MMP28: variants seen among roughly 807,000 people sequenced by gnomAD.
MMP28 encodes the protein matrix metalloproteinase-28.
Under a neutral mutation model 60.5 loss-of-function variants are expected in MMP28, and 55 were observed. The observed-to-expected ratio is 0.91, with a 90% CI of 0.73 to 1.14. The LOEUF (loss-of-function observed/expected upper bound fraction) is 1.14. Among genes scored for constraint, MMP28 ranks in the 50% most tolerant of loss-of-function variants. MMP28 has a pLI of 0.00. For missense variants in MMP28, 686 were observed against 738.3 expected (o/e 0.93, Z 0.82); for synonymous variants, 318 against 312.5 (o/e 1.02, Z -0.18).
At chr17:35,776,062 G>C (rs909787658) in intron 3 of MMP28, among the ~76,000 whole-genome samples, 3 of 151,886 alleles carry the variant, frequency 2.0e-5, no homozygotes, top group African/African-American at 7.3e-5. Context: ...TTTTAGTAGA[G>C]ATGGGGTTTC....
chr17:35,773,159 A>G (rs747934476), intron 4 of MMP28, 21 bp downstream of exon 4: 2 of 1,608,634 alleles, frequency 1.2e-6, no homozygotes. Flanking sequence ...GCTGTGCGGG[A>G]GGGAGGCTTT....
chr17:35,779,239 C>A lies in MMP28; in HGVS notation c.191+5G>T. ...CCCCAAGTCCTCCACATCCCTCCAC[C>A]CTACCTGATGGCATCGCTGAATCGA... On this transcript the variant is annotated splice_donor_5th_base_variant and intron_variant, in intron 2 of 7. Coordinates refer to ENST00000605424, the MANE Select transcript of MMP28 (RefSeq NM_024302.5). The A allele has an allele frequency of 3.7e-6, 6 of 1,610,030 alleles. No homozygotes were observed. The highest frequency in any genetic ancestry group is 5.1e-6 in the Non-Finnish European group (6 of 1,178,290).
chr17:35,787,880 T>A (rs368280105), intron 1 of MMP28, among the ~76,000 whole-genome samples: 44 of 147,448 alleles, frequency 3.0e-4, no homozygotes, highest in Middle Eastern at 3.6e-3. Context: ...TCTCTCTCTC[T>A]CACTCTTTTT....
chr17:35,787,098 G>C (rs997809747), intron 1 of MMP28, among the ~76,000 whole-genome samples: 2 of 152,178 alleles, frequency 1.3e-5, no homozygotes, highest in Non-Finnish European at 2.9e-5. Context: ...TCTCAATTAA[G>C]AAAAAGGTCA....
rs143381593 is a variant in MMP28, at chr17:35,779,117, G to C, written c.192-42C>G. The C allele has an allele frequency of 9.9e-4, 1,588 of 1,598,976 alleles. 17 individuals carry two copies. The African/African-American group carries it at 0.018, about 19-fold the overall frequency. Reference sequence around the variant, plus strand: ...ACCGCAAGGGGAGGGTGAGTGGTAAGGGTGAGGGCAGGGAAGTCTGCCTCC... The same window carrying C: ...ACCGCAAGGGGAGGGTGAGTGGTAACGGTGAGGGCAGGGAAGTCTGCCTCC... On this transcript the variant is annotated intron_variant, in intron 2 of 7. Transcript: ENST00000605424.
chr17:35,782,298 G>T (rs1450548053), intron 1 of MMP28, among the ~76,000 whole-genome samples: 1 of 151,902 alleles, frequency 6.6e-6, no homozygotes, highest in Non-Finnish European at 1.5e-5. Flanking sequence ...CTCATGATCC[G>T]CCCGCCTCAG....
Position 35,795,453 on chromosome 17 carries a change from G to T in MMP28, c.-76C>A. 8.9e-7 allele frequency: 1 copy of T among 1,125,114 alleles called. No homozygotes were observed. Among genetic ancestry groups the T allele is most frequent in the Non-Finnish European group, 1.2e-6 (1 of 853,910 alleles). 69.7% of individuals were successfully genotyped at this position (1,125,114 alleles called of 1,614,324 possible). A position where few individuals can be genotyped will look rare whatever the true frequency, so the allele number is the denominator to read the frequency against. On this transcript the variant is annotated 5_prime_UTR_variant, in exon 1 of 8. Coordinates refer to ENST00000605424, the MANE Select transcript of MMP28 (RefSeq NM_024302.5). ...CCAGCCGGCAGTCAGCCGCGCCCGG[G>T]ACCCCGGGGATGGGACTGCTCTGCG...
intron 3 of MMP28, among the ~76,000 whole-genome samples, chr17:35,777,671 AC>A: frequency 6.6e-6 from 1 of 152,174 alleles, no homozygotes; most frequent in Admixed American, 6.5e-5. Context: ...CTGGTTAAAA[AC>A]CCCCATCTTG....
chr17:35,764,078 A>G (rs1555602103), downstream of MMP28: 1 of 1,550,084 alleles, frequency 6.5e-7, no homozygotes, highest in Admixed American at 2.0e-5. Flanking sequence ...AGAGGAAGGG[A>G]AGGAGGGGTC....
chr17:35,764,655 T>A, downstream of MMP28: 1 of 1,534,122 alleles, frequency 6.5e-7, no homozygotes, highest in Non-Finnish European at 8.7e-7. Flanking sequence ...CTCCATCATT[T>A]CCTGGCCCCA....
chr17:35,760,699 C>A (rs1179996940), intron 2 of MMP28, among the ~76,000 whole-genome samples: 3 of 152,172 alleles, frequency 2.0e-5, no homozygotes, highest in African/African-American at 7.2e-5. Flanking sequence ...CCAAAGCCAT[C>A]CTCTCTTCCC....
chr17:35,789,059 G>A (rs1442715889), intron 1 of MMP28, among the ~76,000 whole-genome samples: 1 of 152,146 alleles, frequency 6.6e-6, no homozygotes, highest in Non-Finnish European at 1.5e-5. Context: ...ACACAGCTTT[G>A]TAAGCACTTA....
chr17:35,765,185 CG>C (rs1163244805), downstream of MMP28: 1 of 152,266 alleles, frequency 6.6e-6, no homozygotes, highest in East Asian at 1.9e-4. Context: ...TACCCCAGAA[CG>C]GTACAAACAT....
At chr17:35,763,863 C>G, downstream of MMP28, 1 of 662,412 alleles carries the variant, frequency 1.5e-6, no homozygotes, top group Non-Finnish European at 2.1e-6. Flanking sequence ...CGCCACTGCA[C>G]TCTAGCCTGA....
chr17:35,785,567 C>T (rs967656607), intron 1 of MMP28, among the ~76,000 whole-genome samples: 1 of 152,150 alleles, frequency 6.6e-6, no homozygotes, highest in Admixed American at 6.5e-5. Flanking sequence ...CCTGCCTCAA[C>T]CTCCCGAGTA....
rs1009727691 is a variant in MMP28, at chr17:35,779,287, C to G, written c.148G>C (p.Val50Leu). 2 of 1,613,382 alleles carry G rather than the reference C, an allele frequency of 1.2e-6. No homozygotes were observed. Among genetic ancestry groups the G allele is most frequent in the East Asian group, 4.5e-5 (2 of 44,858 alleles). ...CGAGTGGAGGTGGGAGCTTTGGGGA[C>G]CTGTTCATTGAGGTATCCGTACTTC... ...LEKYGYLNEQ[V>L]PKAPTSTRFS... Residue 50 changes from valine to leucine, a missense_variant, in exon 2 of 8, where the codon GTC (valine) becomes CTC (leucine). Transcript: ENST00000605424.
At chr17:35,759,648 C>T (rs1555601123) in intron 2 of MMP28, among the ~76,000 whole-genome samples, 1 of 152,102 alleles carries the variant, frequency 6.6e-6, no homozygotes, top group African/African-American at 2.4e-5. Context: ...TTGCAGTGAG[C>T]CGAGATTGCG....
At chr17:35,756,290 T>G in exon 3 of MMP28, 1 of 491,006 alleles carries the variant, frequency 2.0e-6, no homozygotes, top group Non-Finnish European at 2.6e-6. Context: ...TAGAGACAGA[T>G]GATCCAAAGT....
At chr17:35,781,357 T>C (rs1555609329) in intron 1 of MMP28, among the ~76,000 whole-genome samples, 1 of 152,130 alleles carries the variant, frequency 6.6e-6, no homozygotes, top group East Asian at 1.9e-4. Flanking sequence ...CCTTGGAGAT[T>C]TCAAAGTGGC....
Sources: allele counts gnomAD v4.1 joint callset (sites outside exome capture counted in the v4.1 genomes callset), GRCh38; gene constraint gnomAD v4.1.1; transcripts MANE v1.5; gene names NCBI Gene and HGNC (gene_info 2026-07-23, HGNC 2026-07-21).